Variants in DOK2 observed in about 807,000 individuals in gnomAD.
DOK2 encodes the protein docking protein 2, 56kD.
DOK2 carries 28 observed loss-of-function variants against 26.0 expected under a neutral mutation model. The observed-to-expected ratio is 1.08, with a 90% CI of 0.80 to 1.48. The LOEUF (loss-of-function observed/expected upper bound fraction) is 1.48. DOK2 is among the 40% of genes most tolerant of loss of function. DOK2 has a pLI of 0.00. For synonymous variants in DOK2, 282 were observed against 236.9 expected, an observed-to-expected ratio of 1.19 and a Z score of -1.75; for missense variants, 682 against 558.2, an observed-to-expected ratio of 1.22 and a Z score of -2.23.
At chr8:21,910,989 G>T in intron 3 of DOK2, 132 bp from the exon 4 acceptor site, 1 of 1,093,856 alleles carries the variant, frequency 9.1e-7, no homozygotes, top group Non-Finnish European at 1.3e-6. Flanking sequence ...ATGGCCCCCT[G>T]CCTGGGTCTT....
In DOK2 at chr8:21,913,662, CTCT is replaced by C. The variant is rs2117210950; in HGVS notation, c.-64_-62del. 3 of 1,588,236 alleles carry C rather than the reference CTCT, an allele frequency of 1.9e-6. No individual in the cohort carries two copies. The highest frequency in any genetic ancestry group is 1.3e-5 in the African/African-American group (1 of 74,450). ...CTCCTTCACTCCTGCCCTTGCCTCT[CTCT>C]TCTTAGCCGTGTGTTTCCCTTCTCT... On this transcript the variant is annotated 5_prime_UTR_variant, in exon 1 of 5. Transcript: ENST00000276420.
Position 21,909,779 on chromosome 8 carries a change from T to G in DOK2, c.771A>C (p.Pro257=). The part of the protein sequence containing the change: ...NAAPATPQPQ[P]ATIPASLPRP... ...GGGGCAGCGACGCGGGGATTGTGGC[T>G]GGCTGCGGTTGGGGTGTAGCGGGTG... is the stretch of plus-strand genomic sequence containing the variant. Residue 257 remains proline, a synonymous_variant, in exon 5 of 5, where the codon CCA becomes CCC. Transcript: ENST00000276420. The G allele has an allele frequency of 6.2e-7, 1 of 1,613,994 alleles. No individual in the cohort carries two copies. Among genetic ancestry groups the G allele is most frequent in the Non-Finnish European group, 8.5e-7 (1 of 1,180,020 alleles).
chr8:21,909,837 A>T lies in DOK2; in HGVS notation c.713T>A (p.Leu238Gln), dbSNP rs150843131. The part of the protein sequence containing the change: ...TRQGNEIFLA[L>Q]EEAISAQKNA... ...CTTCTGGGCAGAGATGGCCTCTTCC[A>T]GGGCCAAGAAGATCTCATTGCCTTG... The change falls in exon 5 of 5, where the codon CTG becomes CAG. Residue 238 changes from leucine to glutamine, a missense_variant. Coordinates refer to ENST00000276420, the MANE Select transcript of DOK2 (RefSeq NM_003974.4). 27 of 1,613,958 alleles carry T rather than the reference A, an allele frequency of 1.7e-5. No individual in the cohort carries two copies. The highest frequency in any genetic ancestry group is 2.3e-5 in the Non-Finnish European group (27 of 1,180,026).
At position 21,909,103 on chromosome 8, in the gene DOK2, G is replaced by T. The variant is rs1211686932; in HGVS notation, c.*208C>A. ...AGAGGAGGAAGTGGAAAAAGAGTAG[G>T]AGGAGGGTGGTTCTCTCCAGGGCAC... On this transcript the variant is annotated 3_prime_UTR_variant, in exon 5 of 5. Coordinates refer to ENST00000276420, the MANE Select transcript of DOK2 (RefSeq NM_003974.4). 1 of 521,882 alleles carries T rather than the reference G, an allele frequency of 1.9e-6. No homozygotes were observed. The highest frequency in any genetic ancestry group is 3.4e-6 in the Non-Finnish European group (1 of 296,196). 32.3% of individuals were successfully genotyped at this position (521,882 alleles called of 1,614,324 possible). A position where few individuals can be genotyped will look rare whatever the true frequency, so the allele number is the denominator to read the frequency against.
chr8:21,912,114 T>A, intron 2 of DOK2, 115 bp downstream of exon 2: 1 of 1,466,696 alleles, frequency 6.8e-7, no homozygotes, highest in Non-Finnish European at 9.0e-7. Flanking sequence ...TCCCCCCACA[T>A]GGAGGAAGCA....
Position 21,909,732 on chromosome 8 carries a change from C to A in DOK2, c.818G>T (p.Arg273Leu). Reference protein sequence around the residue: ...SLPRPDSPYSRPHDSLPPPSP... With the variant: ...SLPRPDSPYSLPHDSLPPPSP... Reference sequence around the variant, plus strand: ...AGGCGGCGGCAGTGAGTCATGCGGCCGAGAGTAGGGGCTATCAGGCCGGGG... The same window carrying A: ...AGGCGGCGGCAGTGAGTCATGCGGCAGAGAGTAGGGGCTATCAGGCCGGGG... The change falls in exon 5 of 5, where the codon CGG becomes CTG. Residue 273 changes from arginine to leucine, a missense_variant. Arg to Leu is a moderately radical substitution (Grantham distance 102). Transcript: ENST00000276420. 1 of 1,613,598 alleles carries A rather than the reference C, an allele frequency of 6.2e-7. No individual in the cohort carries two copies. Among genetic ancestry groups the A allele is most frequent in the Non-Finnish European group, 8.5e-7 (1 of 1,180,016 alleles).
chr8:21,911,753 G>A (rs1410994111), intron 3 of DOK2, 148 bp downstream of exon 3: 2 of 840,352 alleles, frequency 2.4e-6, no homozygotes, highest in South Asian at 2.1e-5. Flanking sequence ...GAAGCGAGAA[G>A]GAGAGGCTGA....
chr8:21,911,810 C>T, intron 3 of DOK2, 91 bp downstream of exon 3: 2 of 1,356,898 alleles, frequency 1.5e-6, no homozygotes, highest in South Asian at 2.8e-5. Flanking sequence ...CAGGAAGACT[C>T]GGGGCCAGCA....
In DOK2 at chr8:21,912,405, G is replaced by A. The variant is rs766198984; in HGVS notation, c.169C>T (p.Arg57Trp). The A allele has an allele frequency of 2.5e-6, 4 of 1,592,228 alleles. No individual in the cohort carries two copies. In the African/African-American group the frequency reaches 4.0e-5, roughly 16 times the overall value. The change falls in exon 2 of 5, where the codon CGG (arginine) becomes TGG (tryptophan). Residue 57 changes from arginine (R) to tryptophan (W), a missense_variant. Coordinates refer to ENST00000276420, the MANE Select transcript of DOK2 (RefSeq NM_003974.4). ...PEKPRRCEAARKVIRLSDCLR... is the reference protein window; with the variant it reads ...PEKPRRCEAAWKVIRLSDCLR... Reference sequence around the variant, plus strand: ...CAGTCACTGAGGCGGATGACCTTCCGGGCAGCCTCACACCGACGAGGCTTC... The same window carrying A: ...CAGTCACTGAGGCGGATGACCTTCCAGGCAGCCTCACACCGACGAGGCTTC...
At chr8:21,911,523 G>A (rs1014895020) in intron 3 of DOK2, among the ~76,000 whole-genome samples, 2 of 152,310 alleles carry the variant, frequency 1.3e-5, no homozygotes, top group African/African-American at 4.8e-5. Context: ...CAGGAGAATC[G>A]CTTGAACCCG....
In DOK2 at chr8:21,912,259, C is replaced by A; in HGVS notation, c.315G>T (p.Trp105Cys). ...LAAPAAERGD[W>C]VQAICLLAFP... ...AGGCCAGGAGGCAGATGGCCTGCAC[C>A]CAGTCGCCGCGCTCCGCTGCAGGGG... Residue 105 changes from tryptophan to cysteine, a missense_variant, in exon 2 of 5, where the codon TGG (tryptophan) becomes TGT (cysteine). Trp to Cys is a radical substitution (Grantham distance 215). Transcript: ENST00000276420. 7 of 1,574,008 alleles carry A rather than the reference C, an allele frequency of 4.4e-6. No homozygotes were observed. The highest frequency in any genetic ancestry group is 5.2e-6 in the Non-Finnish European group (6 of 1,162,950).
Position 21,909,256 on chromosome 8 carries a change from G to T in DOK2, c.*55C>A, listed in dbSNP as rs1208685914. ...GGAGGTTCTTCTGATGCAGTGGCCAGGAGGAGTCACCAGCAGAAGCCAAGG... is the reference window on the plus strand; with the variant it reads ...GGAGGTTCTTCTGATGCAGTGGCCATGAGGAGTCACCAGCAGAAGCCAAGG... On this transcript the variant is annotated 3_prime_UTR_variant, in exon 5 of 5. Coordinates refer to ENST00000276420, the MANE Select transcript of DOK2 (RefSeq NM_003974.4). The T allele has an allele frequency of 2.0e-6, 3 of 1,511,326 alleles. No individual in the cohort carries two copies. The highest frequency in any genetic ancestry group is 2.8e-5 in the African/African-American group (2 of 71,548). The allele number at this position is 1,511,326 out of a possible 1,614,324, so 93.6% of individuals were successfully genotyped here. A position where few individuals can be genotyped will look rare whatever the true frequency, so the allele number is the denominator to read the frequency against.
rs773296143 is a variant in DOK2 at position 21,912,234 on chromosome 8, A to G, written c.340T>C (p.Phe114Leu). Residue 114 changes from phenylalanine to leucine, a missense_variant, in exon 2 of 5, where the codon TTC becomes CTC. Coordinates refer to ENST00000276420, the MANE Select transcript of DOK2 (RefSeq NM_003974.4). ...DWVQAICLLA[F>L]PGQRKELSGP... ...CCGCACCCCGCGCGACTCACGGGGA[A>G]GGCCAGGAGGCAGATGGCCTGCACC... is the stretch of plus-strand genomic sequence containing the variant. 2.6e-6 allele frequency: 4 copies of G among 1,560,988 alleles called. No homozygotes were observed. In the African/African-American group the frequency reaches 5.4e-5, roughly 21 times the overall value.
intron 4 of DOK2, 51 bp from the exon 5 acceptor site, chr8:21,909,982 A>ATTTT: frequency 5.7e-6 from 8 of 1,394,502 alleles, no homozygotes; most frequent in Non-Finnish European, 7.5e-6. Context: ...GCAGGGGTGC[A>ATTTT]TTTTTTTTTT....
chr8:21,912,236 G>T lies in DOK2; in HGVS notation c.338C>A (p.Ala113Asp). 6.4e-7 allele frequency: 1 copy of T among 1,562,864 alleles called. No individual in the cohort carries two copies. The change falls in exon 2 of 5, where the codon GCC becomes GAC. Residue 113 changes from alanine (A) to aspartate (D), a missense_variant. Coordinates refer to ENST00000276420, the MANE Select transcript of DOK2 (RefSeq NM_003974.4). The stretch of plus-strand genomic sequence containing the variant: ...GCACCCCGCGCGACTCACGGGGAAG[G>T]CCAGGAGGCAGATGGCCTGCACCCA... ...GDWVQAICLL[A>D]FPGQRKELSG...
At position 21,910,725 on chromosome 8, in the gene DOK2, G is replaced by A; in HGVS notation, c.566C>T (p.Thr189Ile). 2 of 1,614,092 alleles carry A rather than the reference G, an allele frequency of 1.2e-6. No individual in the cohort carries two copies. The highest frequency in any genetic ancestry group is 1.7e-6 in the Non-Finnish European group (2 of 1,180,032). The change falls in exon 4 of 5, where the codon ACC (threonine) becomes ATC (isoleucine). Residue 189 changes from threonine (T) to isoleucine (I), a missense_variant. By Grantham distance (89) the Thr-to-Ile change is moderately conservative (BLOSUM62 -1). Coordinates refer to ENST00000276420, the MANE Select transcript of DOK2 (RefSeq NM_003974.4). The part of the protein sequence containing the change: ...LELWGGPEPG[T>I]QLYDWPYRFL... ...CCTGTAGGGCCAGTCGTACAGCTGG[G>A]TCCCTGGCTCGGGCCCACCCCACAG...
rs143272640 is a variant in DOK2, at chr8:21,909,435, G to A, written c.1115C>T (p.Ala372Val). 196 of 1,613,102 alleles carry A rather than the reference G, an allele frequency of 1.2e-4. 1 individual carries two copies. The highest frequency in any genetic ancestry group is 5.9e-4 in the African/African-American group (44 of 75,022). Residue 372 changes from alanine (A) to valine (V), a missense_variant, in exon 5 of 5, where the codon GCG becomes GTG. By Grantham distance (64) the Ala-to-Val change is moderately conservative (BLOSUM62 0). Transcript: ENST00000276420. ...EPRGEAWRRQ[A>V]TADRDPAGLQ... ...GCCAGCAGGGTCCCTGTCAGCTGTC[G>A]CCTGCCTCCTCCATGCCTCACCCCG...
chr8:21,911,107 G>C (rs1360139885), intron 3 of DOK2: 2 of 510,228 alleles, frequency 3.9e-6, no homozygotes, highest in East Asian at 6.9e-5. Context: ...CCAACCTCGT[G>C]CCCACATCCT....
rs34215892 is a variant in DOK2 at position 21,909,729 on chromosome 8, G to C, written c.821C>G (p.Pro274Arg). 3.1e-6 allele frequency: 5 copies of C among 1,613,590 alleles called. No individual in the cohort carries two copies. Among genetic ancestry groups the C allele is most frequent in the Non-Finnish European group, 4.2e-6 (5 of 1,180,008 alleles). ...LPRPDSPYSR[P>R]HDSLPPPSPT... ...TGAAGGCGGCGGCAGTGAGTCATGCGGCCGAGAGTAGGGGCTATCAGGCCG... is the reference window on the plus strand; with the variant it reads ...TGAAGGCGGCGGCAGTGAGTCATGCCGCCGAGAGTAGGGGCTATCAGGCCG... Residue 274 changes from proline (P) to arginine (R), a missense_variant, in exon 5 of 5, where the codon CCG becomes CGG. Coordinates refer to ENST00000276420, the MANE Select transcript of DOK2 (RefSeq NM_003974.4).
Sources: allele counts gnomAD v4.1 joint callset (sites outside exome capture counted in the v4.1 genomes callset), GRCh38; gene constraint gnomAD v4.1.1; transcripts MANE v1.5; gene names NCBI Gene and HGNC (gene_info 2026-07-23, HGNC 2026-07-21).